OGDH: variants seen among roughly 807,000 people sequenced by gnomAD.
OGDH encodes oxoglutarate dehydrogenase, also known as 2-oxoglutarate dehydrogenase complex component E1.
OGDH carries 38 observed loss-of-function variants against 116.6 expected under a neutral mutation model. That is an observed-to-expected ratio of 0.33 (90% CI 0.25 to 0.43). The LOEUF (loss-of-function observed/expected upper bound fraction) is 0.43, where lower values mean the gene tolerates loss of function less well. OGDH is among the 20% of genes least tolerant of loss of function. OGDH has a pLI of 1.00. For synonymous variants in OGDH, 488 were observed against 533.3 expected, an observed-to-expected ratio of 0.92 and a Z score of 1.17; for missense variants, 825 against 1,357.2, an observed-to-expected ratio of 0.61 and a Z score of 6.16.
chr7:44,642,915 C>CT (rs1786011391), intron 2 of OGDH, among the ~76,000 whole-genome samples: 1 of 142,690 alleles, frequency 7.0e-6, no homozygotes, highest in African/African-American at 2.9e-5. Flanking sequence ...GAGCTAGACT[C>CT]TGTCTCAAAA....
In OGDH at chr7:44,624,542, G is replaced by A; in HGVS notation, c.199G>A (p.Glu67Lys). The part of the protein sequence containing the change: ...YVEEMYCAWL[E>K]NPKSVHKSWD... ...GGAGGAGATGTACTGTGCTTGGCTG[G>A]AAAACCCCAAAAGTGTACATAAGGT... Residue 67 changes from glutamate to lysine, a missense_variant, in exon 2 of 23, where the codon GAA becomes AAA. By Grantham distance (56) the Glu-to-Lys change is moderately conservative (BLOSUM62 1). This residue lies in a region of OGDH where 126 missense variants were observed against 130.4 expected (regional missense o/e 0.97). Transcript: ENST00000222673. The A allele has an allele frequency of 6.2e-7, 1 of 1,613,650 alleles. No homozygotes were observed. Among genetic ancestry groups the A allele is most frequent in the African/African-American group, 1.3e-5 (1 of 74,912 alleles).
intron 4 of OGDH, among the ~76,000 whole-genome samples, chr7:44,657,668 A>T (rs1786751645): frequency 6.6e-6 from 1 of 151,608 alleles, no homozygotes; most frequent in Admixed American, 6.6e-5. Flanking sequence ...CCTTTTATGG[A>T]TTGTGCTTTT....
Position 44,696,525 on chromosome 7 carries a change from C to T in OGDH, c.1868C>T (p.Ser623Phe). Residue 623 changes from serine to phenylalanine, a missense_variant, in exon 14 of 23, where the codon TCT becomes TTT. Physicochemically the swap from Ser to Phe is radical, Grantham distance 155. This residue lies in a region of OGDH where 92 missense variants were observed against 129.7 expected (regional missense o/e 0.71). Coordinates refer to ENST00000222673, the MANE Select transcript of OGDH (RefSeq NM_002541.4). ...ACACACATCGGGAATGTGGCTAGTT[C>T]TGTGCCTGTGGAAAACTTTACTATT... Reference protein sequence around the residue: ...ILTHIGNVASSVPVENFTIHG... With the variant: ...ILTHIGNVASFVPVENFTIHG... 6.2e-7 allele frequency: 1 copy of T among 1,614,230 alleles called. No homozygotes were observed. The highest frequency in any genetic ancestry group is 8.5e-7 in the Non-Finnish European group (1 of 1,180,054).
chr7:44,706,682 A>G (rs1206885892), intron 20 of OGDH, among the ~76,000 whole-genome samples: 1 of 134,044 alleles, frequency 7.5e-6, no homozygotes, highest in African/African-American at 3.0e-5. Flanking sequence ...ACTGTAGTGC[A>G]TGATCTCAGC....
chr7:44,633,182 G>A (rs1785516446), intron 2 of OGDH, among the ~76,000 whole-genome samples: 1 of 150,834 alleles, frequency 6.6e-6, no homozygotes, highest in African/African-American at 2.4e-5. Context: ...GAACCTGGGA[G>A]GCGGAGCTTT....
At chr7:44,685,483 A>G (rs770307683) in intron 10 of OGDH, among the ~76,000 whole-genome samples, 2 of 152,246 alleles carry the variant, frequency 1.3e-5, no homozygotes, top group Non-Finnish European at 2.9e-5. Context: ...ATTCCACTCT[A>G]TAAGTAAAAT....
intron 1 of OGDH, among the ~76,000 whole-genome samples, chr7:44,611,661 T>C (rs1375044790): frequency 1.3e-5 from 2 of 152,162 alleles, no homozygotes; most frequent in African/African-American, 4.8e-5. Flanking sequence ...TCCTCCCACC[T>C]TGGCTTCCTG....
At chr7:44,685,579 A>G (rs1163413965) in intron 10 of OGDH, among the ~76,000 whole-genome samples, 1 of 152,210 alleles carries the variant, frequency 6.6e-6, no homozygotes, top group Non-Finnish European at 1.5e-5. Context: ...CTATGATGCT[A>G]TGAACATGTC....
Position 44,624,545 on chromosome 7 carries a change from A to G in OGDH, c.202A>G (p.Asn68Asp). Reference protein sequence around the residue: ...VEEMYCAWLENPKSVHKSWDI... With the variant: ...VEEMYCAWLEDPKSVHKSWDI... Reference sequence around the variant, plus strand: ...GGAGATGTACTGTGCTTGGCTGGAAAACCCCAAAAGTGTACATAAGGTAAG... The same window carrying G: ...GGAGATGTACTGTGCTTGGCTGGAAGACCCCAAAAGTGTACATAAGGTAAG... The change falls in exon 2 of 23, where the codon AAC (asparagine) becomes GAC (aspartate). Residue 68 changes from asparagine (N) to aspartate (D), a missense_variant. Asn to Asp is a conservative substitution (Grantham distance 23, BLOSUM62 1). Transcript: ENST00000222673. The G allele has an allele frequency of 1.2e-6, 2 of 1,613,692 alleles. No homozygotes were observed. The highest frequency in any genetic ancestry group is 1.7e-6 in the Non-Finnish European group (2 of 1,179,988).
intron 20 of OGDH, among the ~76,000 whole-genome samples, chr7:44,702,935 A>G (rs944359900): frequency 6.6e-6 from 1 of 152,120 alleles, no homozygotes; most frequent in Non-Finnish European, 1.5e-5. Flanking sequence ...ACAACATAAA[A>G]TTTACCATTT....
In OGDH at chr7:44,645,397, C is replaced by T. The variant is rs369389516; in HGVS notation, c.293C>T (p.Pro98Leu). The change falls in exon 3 of 23, where the codon CCC becomes CTC. Residue 98 changes from proline (P) to leucine (L), a missense_variant. Pro to Leu is a moderately conservative substitution (Grantham distance 98, BLOSUM62 -3). Coordinates refer to ENST00000222673, the MANE Select transcript of OGDH (RefSeq NM_002541.4). Reference protein sequence around the residue: ...PPGTAYQSPLPLSRGSLAAVA... With the variant: ...PPGTAYQSPLLLSRGSLAAVA... Reference sequence around the variant, plus strand: ...GGCACTGCCTACCAGAGTCCCCTTCCCCTGAGCCGAGGCTCCCTGGCTGCT... The same window carrying T: ...GGCACTGCCTACCAGAGTCCCCTTCTCCTGAGCCGAGGCTCCCTGGCTGCT... The T allele has an allele frequency of 6.9e-5, 111 of 1,614,102 alleles. No individual in the cohort carries two copies. Among genetic ancestry groups the T allele is most frequent in the Non-Finnish European group, 9.0e-5 (106 of 1,180,048 alleles).
In OGDH at chr7:44,694,373, T is replaced by C; in HGVS notation, c.1516-51T>C. The stretch of plus-strand genomic sequence containing the variant: ...GGGGCAGGTGCCTGAACAGCACTTC[T>C]TCCCAAGGGGCCAGCCCTTGTCTCT... On this transcript the variant is annotated intron_variant, in intron 11 of 22. Transcript: ENST00000222673. The surrounding 1 kb of genome is among the most constrained non-coding windows in gnomAD (Gnocchi z 4.2). The C allele has an allele frequency of 6.2e-7, 1 of 1,602,638 alleles. No individual in the cohort carries two copies. Among genetic ancestry groups the C allele is most frequent in the Non-Finnish European group, 8.5e-7 (1 of 1,174,324 alleles).
intron 4 of OGDH, 146 bp downstream of exon 4, chr7:44,647,905 T>G (rs1265695336): frequency 6.7e-6 from 4 of 597,106 alleles, no homozygotes; most frequent in Non-Finnish European, 1.2e-5. Context: ...TATTGTAGCC[T>G]TAGTGTGTTT....
At chr7:44,612,096 G>A (rs969927826) in intron 1 of OGDH, among the ~76,000 whole-genome samples, 1 of 151,832 alleles carries the variant, frequency 6.6e-6, no homozygotes, top group Non-Finnish European at 1.5e-5. Context: ...AGTGTTTTTT[G>A]GTTTTTGTGG....
At position 44,642,875 on chromosome 7, in the gene OGDH, T is replaced by C. The variant is rs1460236694; in HGVS notation, c.223-2452T>C. The stretch of plus-strand genomic sequence containing the variant: ...AGGCAGAGGTTGCAATGAGCCGAGA[T>C]TGCACTACTGCACTCCAGCCTGGGC... On this transcript the variant is annotated intron_variant, in intron 2 of 22. Transcript: ENST00000222673. 7.2e-5 allele frequency among the ~76,000 whole-genome samples: 11 copies of C among 151,830 alleles called. No individual in the cohort carries two copies. The East Asian group carries it at 2.1e-3, about 29-fold the overall frequency.
chr7:44,648,545 A>G (rs918561057), intron 4 of OGDH, among the ~76,000 whole-genome samples: 6 of 152,178 alleles, frequency 3.9e-5, no homozygotes, highest in African/African-American at 1.4e-4. Flanking sequence ...TTCACAATAG[A>G]CACTGTGCAT....
intron 3 of OGDH, among the ~76,000 whole-genome samples, chr7:44,645,924 A>T (rs540491583): frequency 2.0e-4 from 30 of 152,288 alleles, no homozygotes; most frequent in African/African-American, 7.0e-4. Flanking sequence ...ACTGAATACT[A>T]TAAGAGAAGA....
intron 4 of OGDH, among the ~76,000 whole-genome samples, chr7:44,662,883 T>C (rs1787011040): frequency 6.7e-6 from 1 of 149,238 alleles, no homozygotes; most frequent in South Asian, 2.1e-4. Flanking sequence ...TTTGATATTG[T>C]TTTTCAGAAG....
intron 2 of OGDH, among the ~76,000 whole-genome samples, chr7:44,636,306 T>C (rs1785667270): frequency 2.0e-5 from 3 of 152,222 alleles, no homozygotes. Context: ...TAGGAAGCCC[T>C]ACCTATTGGA....
Sources: gnomAD v4.1 joint callset for allele counts (sites outside exome capture counted in the v4.1 genomes callset) on GRCh38, gnomAD v4.1.1 for gene constraint, gnomAD v4.1.1 regional missense constraint, Gnocchi (gnomAD v3.1) non-coding constraint, MANE v1.5 for transcripts, NCBI Gene and HGNC (gene_info 2026-07-23, HGNC 2026-07-21) for gene names.